Variants in RPS6KA2 observed in about 807,000 individuals in gnomAD.
RPS6KA2 encodes the protein ribosomal protein S6 kinase A2.
RPS6KA2 carries 42 observed loss-of-function variants against 91.8 expected under a neutral mutation model. The observed-to-expected ratio is 0.46, with a 90% CI of 0.36 to 0.59. The LOEUF is 0.59. Among genes scored for constraint, RPS6KA2 ranks in the 20% least tolerant of loss-of-function variants. The pLI, the probability that RPS6KA2 is intolerant of heterozygous loss-of-function variation, is 0.00. For missense variants in RPS6KA2, 798 were observed against 978.5 expected (o/e 0.82, Z 2.46); for synonymous variants, 414 against 393.6 (o/e 1.05, Z -0.61).
intron 1 of RPS6KA2, among the ~76,000 whole-genome samples, chr6:166,546,313 G>C (rs1783826223): frequency 6.6e-6 from 1 of 152,084 alleles, no homozygotes; most frequent in South Asian, 2.1e-4. Flanking sequence ...ACCATTTCCG[G>C]TCTGGGCAGT....
At chr6:166,804,640 A>C (rs572720311) in intron 2 of RPS6KA2, among the ~76,000 whole-genome samples, 88 of 152,262 alleles carry the variant, frequency 5.8e-4, no homozygotes, top group African/African-American at 2.1e-3. Context: ...TATATACGTT[A>C]GGTATCATAT....
intron 2 of RPS6KA2, among the ~76,000 whole-genome samples, chr6:166,802,794 T>C (rs908776645): frequency 2.6e-4 from 40 of 152,154 alleles, no homozygotes; most frequent in Admixed American, 1.8e-3. Flanking sequence ...CATTAAGAAA[T>C]AGAGAAAATT....
At position 166,493,810 on chromosome 6, in the gene RPS6KA2, A is replaced by G. The variant is rs560139420; in HGVS notation, c.748-3069T>C. Among the ~76,000 whole-genome samples, 1 of 152,304 alleles carries G rather than the reference A, an allele frequency of 6.6e-6. No individual in the cohort carries two copies. The highest frequency in any genetic ancestry group is 2.1e-4 in the South Asian group (1 of 4,830). ...CACTGAGGGAGGCACAGATGCTGCT[A>G]AACATCCTATGACACACAGGGCGCC... On this transcript the variant is annotated intron_variant, in intron 8 of 20. Coordinates refer to ENST00000265678, the MANE Select transcript of RPS6KA2 (RefSeq NM_021135.6). This position sits in a 1 kb window ranked among gnomAD's most constrained non-coding sequence, Gnocchi z 4.7.
chr6:166,467,350 A>G (rs1356970899), intron 11 of RPS6KA2, among the ~76,000 whole-genome samples: 1 of 152,248 alleles, frequency 6.6e-6, no homozygotes, highest in African/African-American at 2.4e-5. Flanking sequence ...CTGATCTTGC[A>G]GCTTACATTC....
At chr6:166,851,326 TA>T (rs750655738) in intron 2 of RPS6KA2, among the ~76,000 whole-genome samples, 1 of 152,212 alleles carries the variant, frequency 6.6e-6, no homozygotes, top group Non-Finnish European at 1.5e-5. Context: ...CTCCGCACAC[TA>T]GACACAGAGA....
In RPS6KA2 at chr6:166,472,432, C is replaced by T. The variant is rs554822827; in HGVS notation, c.908-2527G>A. On this transcript the variant is annotated intron_variant, in intron 10 of 20. Coordinates refer to ENST00000265678, the MANE Select transcript of RPS6KA2 (RefSeq NM_021135.6). ...TGCAATCAACACATTTCTATCTTTACCTCCTTTCCCCTAAGGTAGTAAGAT... is the reference window on the plus strand; with the variant it reads ...TGCAATCAACACATTTCTATCTTTATCTCCTTTCCCCTAAGGTAGTAAGAT... Among the ~76,000 whole-genome samples the T allele has an allele frequency of 1.6e-4, 25 of 152,270 alleles. 1 individual carries two copies. The highest frequency in any genetic ancestry group is 1.4e-3 in the Admixed American group (22 of 15,296).
intron 1 of RPS6KA2, among the ~76,000 whole-genome samples, chr6:166,602,632 G>A (rs1369366833): frequency 6.6e-6 from 1 of 152,196 alleles, no homozygotes; most frequent in African/African-American, 2.4e-5. Flanking sequence ...CCATTTATAT[G>A]ACACGTAAAC....
At chr6:166,652,448 C>T (rs972023533) in intron 2 of RPS6KA2, among the ~76,000 whole-genome samples, 1 of 152,098 alleles carries the variant, frequency 6.6e-6, no homozygotes, top group African/African-American at 2.4e-5. Context: ...TGATCGTTTG[C>T]ACCTTATTCT....
intron 2 of RPS6KA2, among the ~76,000 whole-genome samples, chr6:166,634,774 G>C (rs554439016): frequency 1.6e-4 from 24 of 152,242 alleles, no homozygotes; most frequent in African/African-American, 5.5e-4. Context: ...GCTAATTTTT[G>C]TACTTTTAGT....
chr6:166,543,999 G>A (rs901106752), intron 1 of RPS6KA2, among the ~76,000 whole-genome samples: 1 of 152,258 alleles, frequency 6.6e-6, no homozygotes, highest in African/African-American at 2.4e-5. Context: ...CAGTTCCCCT[G>A]CCCTGTGAGG....
intron 2 of RPS6KA2, among the ~76,000 whole-genome samples, chr6:166,815,052 C>A (rs969944538): frequency 3.9e-5 from 6 of 152,262 alleles, no homozygotes; most frequent in Non-Finnish European, 7.4e-5. Context: ...TTCAAGGTAG[C>A]AAAGTTTTAC....
Position 166,695,150 on chromosome 6 carries a change from G to A in RPS6KA2, c.124-156366C>T, listed in dbSNP as rs932291274. Among the ~76,000 whole-genome samples the A allele has an allele frequency of 3.9e-5, 6 of 152,314 alleles. No homozygotes were observed. The South Asian group carries it at 6.2e-4, about 16-fold the overall frequency. On this transcript the variant is annotated intron_variant, in intron 2 of 21. Transcript: ENST00000503859. ...GCTGCTGTGCAGTGAGTTGCTATGC[G>A]AATGGACTCAGGAAGACTTGAACCC... is the stretch of plus-strand genomic sequence containing the variant.
At chr6:166,540,220 G>A (rs576692669) in intron 1 of RPS6KA2, among the ~76,000 whole-genome samples, 3 of 152,280 alleles carry the variant, frequency 2.0e-5, no homozygotes, top group African/African-American at 4.8e-5. Flanking sequence ...CGTACATGAC[G>A]ATGTTTGAAA....
intron 10 of RPS6KA2, among the ~76,000 whole-genome samples, chr6:166,476,078 G>A (rs533633477): frequency 7.9e-5 from 12 of 152,280 alleles, no homozygotes; most frequent in African/African-American, 2.9e-4. Flanking sequence ...AGCAGGGCAG[G>A]CACTCATCTC....
chr6:166,743,245 A>G (rs1790870075), intron 2 of RPS6KA2, among the ~76,000 whole-genome samples: 1 of 152,226 alleles, frequency 6.6e-6, no homozygotes, highest in African/African-American at 2.4e-5. Context: ...TCTCCTTTTG[A>G]GGATGGGCTA....
chr6:166,720,076 T>G (rs1181847242), intron 2 of RPS6KA2, among the ~76,000 whole-genome samples: 2 of 152,258 alleles, frequency 1.3e-5, no homozygotes, highest in East Asian at 3.8e-4. Flanking sequence ...TTACTATTAA[T>G]AAGACTTTCA....
chr6:166,587,626 G>T (rs1785219942), intron 1 of RPS6KA2, among the ~76,000 whole-genome samples: 1 of 112,892 alleles, frequency 8.9e-6, no homozygotes, highest in Admixed American at 9.9e-5. Flanking sequence ...TTTGAAGTCT[G>T]CCATTGGAAA....
upstream of RPS6KA2, among the ~76,000 whole-genome samples, chr6:166,628,191 G>A (rs937399585): frequency 3.3e-5 from 5 of 152,212 alleles, no homozygotes; most frequent in African/African-American, 1.2e-4. Flanking sequence ...CTCGGGATCC[G>A]CCTTAAAGGG....
chr6:166,423,473 G>C lies in RPS6KA2; in HGVS notation c.1582-56C>G, dbSNP rs1778802547. ...GGGGCTGAGGACTGAGCAGGAGAGG[G>C]AGGGCAGGTGCATTTGGAGGGGAGG... is the stretch of plus-strand genomic sequence containing the variant. On this transcript the variant is annotated intron_variant, in intron 16 of 20. Coordinates refer to ENST00000265678, the MANE Select transcript of RPS6KA2 (RefSeq NM_021135.6). The surrounding 1 kb of genome is among the most constrained non-coding windows in gnomAD (Gnocchi z 4.8). 2 of 1,528,858 alleles carry C rather than the reference G, an allele frequency of 1.3e-6. No homozygotes were observed. The highest frequency in any genetic ancestry group is 1.8e-6 in the Non-Finnish European group (2 of 1,123,666). The allele number at this position is 1,528,858 out of a possible 1,614,324, so 94.7% of individuals were successfully genotyped here.
Sources: allele counts gnomAD v4.1 joint callset (sites outside exome capture counted in the v4.1 genomes callset), GRCh38; gene constraint gnomAD v4.1.1; non-coding constraint Gnocchi (gnomAD v3.1); transcripts MANE v1.5; gene names NCBI Gene and HGNC (gene_info 2026-07-23, HGNC 2026-07-21).